LRRC43: variants seen among roughly 807,000 people sequenced by gnomAD.
LRRC43 encodes leucine-rich repeat-containing protein 43.
A neutral mutation model predicts 64.3 loss-of-function variants in LRRC43; 62 were observed. That is an observed-to-expected ratio of 0.96 (90% CI 0.79 to 1.19). The LOEUF (loss-of-function observed/expected upper bound fraction) is 1.19. Among genes scored for constraint, LRRC43 ranks in the 50% most tolerant of loss-of-function variants. The probability of loss-of-function intolerance (pLI) is 0.00; values close to 1 mark genes in which losing one functional copy is unlikely to be tolerated. For synonymous variants in LRRC43, 422 were observed against 382.3 expected, an observed-to-expected ratio of 1.10 and a Z score of -1.21; for missense variants, 868 against 845.0, an observed-to-expected ratio of 1.03 and a Z score of -0.34.
At chr12:122,192,413 G>A (rs1388055859) in intron 6 of LRRC43, among the ~76,000 whole-genome samples, 3 of 152,066 alleles carry the variant, frequency 2.0e-5, no homozygotes, top group South Asian at 2.1e-4. Flanking sequence ...TGGGATTACA[G>A]GCGTGAGCCA....
chr12:122,196,694 G>A (rs1397944318), intron 7 of LRRC43, among the ~76,000 whole-genome samples: 1 of 152,032 alleles, frequency 6.6e-6, no homozygotes, highest in South Asian at 2.1e-4. Flanking sequence ...ACTGGAACCC[G>A]GAAGGTGGAG....
chr12:122,173,973 G>A, intron 1 of LRRC43: 2 of 1,614,160 alleles, frequency 1.2e-6, no homozygotes, highest in Non-Finnish European at 1.7e-6. Flanking sequence ...AGAACAGAAA[G>A]AGCACAGACG....
intron 10 of LRRC43, 88 bp from the exon 11 acceptor site, chr12:122,201,208 C>G: frequency 7.5e-7 from 1 of 1,336,886 alleles, no homozygotes; most frequent in Non-Finnish European, 1.1e-6. Context: ...CCTGTCAGAG[C>G]CTTGGAGGAG....
intron 1 of LRRC43, chr12:122,172,628 C>T (rs1953496416): frequency 1.9e-6 from 3 of 1,614,142 alleles, no homozygotes; most frequent in African/African-American, 2.7e-5. Flanking sequence ...GTCTGATTGT[C>T]TTGAGATATG....
chr12:122,173,954 C>G, intron 1 of LRRC43: 1 of 1,614,084 alleles, frequency 6.2e-7, no homozygotes, highest in Admixed American at 1.7e-5. Context: ...AGCCAGCCTC[C>G]CAGGCAGCAG....
intron 6 of LRRC43, among the ~76,000 whole-genome samples, chr12:122,192,436 C>G (rs762970594): frequency 2.0e-5 from 3 of 152,028 alleles, no homozygotes; most frequent in African/African-American, 7.2e-5. Context: ...GCGCCTAGCC[C>G]CATTCTGCAA....
chr12:122,181,985 A>T (rs960290936), upstream of LRRC43, among the ~76,000 whole-genome samples: 1 of 152,108 alleles, frequency 6.6e-6, no homozygotes, highest in African/African-American at 2.4e-5. Context: ...TTCCTCCAAA[A>T]TTCATTTGTC....
In LRRC43 at chr12:122,191,749, G is replaced by A. The variant is rs150869829; in HGVS notation, c.1089+182G>A. ...AGCTCACTGTAACCTCTGCCTCCTGGGTTCAAGCAATTCTCCTGCCTCAGA... is the reference window on the plus strand; with the variant it reads ...AGCTCACTGTAACCTCTGCCTCCTGAGTTCAAGCAATTCTCCTGCCTCAGA... On this transcript the variant is annotated intron_variant, in intron 6 of 11. Transcript: ENST00000339777. Among the ~76,000 whole-genome samples the A allele has an allele frequency of 2.1e-4, 32 of 151,994 alleles. 1 individual carries two copies. Among genetic ancestry groups the A allele is most frequent in the Middle Eastern group, 6.8e-3 (2 of 294 alleles).
At chr12:122,188,864 C>T (rs1014145239) in intron 4 of LRRC43, among the ~76,000 whole-genome samples, 33 of 152,272 alleles carry the variant, frequency 2.2e-4, no homozygotes, top group South Asian at 4.1e-4. Context: ...GGCCTGCACC[C>T]GCAGATGCCA....
chr12:122,179,596 G>A (rs1396532375), upstream of LRRC43, among the ~76,000 whole-genome samples: 2 of 152,096 alleles, frequency 1.3e-5, no homozygotes, highest in South Asian at 2.1e-4. Flanking sequence ...TGTGGAAGTC[G>A]TGTGGAGCCC....
rs561311585 is a variant in LRRC43 at position 122,198,190 on chromosome 12, A to G, written c.1350-1999A>G. On this transcript the variant is annotated intron_variant, in intron 7 of 11. Transcript: ENST00000339777. The stretch of plus-strand genomic sequence containing the variant: ...GAGACAGGGTTTCACCGTGTTGGCC[A>G]GGAGAGTTCGAGACCAGAACTCCTG... Among the ~76,000 whole-genome samples the G allele has an allele frequency of 9.2e-5, 14 of 152,290 alleles. No homozygotes were observed. In the East Asian group the frequency reaches 2.7e-3, roughly 29 times the overall value.
upstream of LRRC43, chr12:122,183,059 T>C: frequency 6.8e-7 from 1 of 1,467,902 alleles, no homozygotes; most frequent in Non-Finnish European, 8.9e-7. Flanking sequence ...TGGGGGACTT[T>C]TCCCTCGGGG....
At chr12:122,199,156 C>A (rs1443959801) in intron 7 of LRRC43, among the ~76,000 whole-genome samples, 1 of 150,664 alleles carries the variant, frequency 6.6e-6, no homozygotes, top group Non-Finnish European at 1.5e-5. Context: ...ATTGGTAGAA[C>A]AATTTATGTT....
Position 122,200,222 on chromosome 12 carries a change from G to A in LRRC43, c.1383G>A (p.Trp461Ter), listed in dbSNP as rs1953819464. 1 of 1,613,912 alleles carries A rather than the reference G, an allele frequency of 6.2e-7. No homozygotes were observed. The highest frequency in any genetic ancestry group is 8.5e-7 in the Non-Finnish European group (1 of 1,180,012). The stretch of plus-strand genomic sequence containing the variant: ...TCTTCAGCACTGCCCACAAGCCCTG[G>A]GCTGAGGTCATCCCCTGCAGTTACG... ...TVLFSTAHKPWAEVIPCSYEM... is the reference protein window; with the variant it reads ...TVLFSTAHKP The change falls in exon 8 of 12, where the codon TGG (tryptophan) becomes TGA (stop). Residue 461 changes from tryptophan to a stop codon, truncating the protein, a stop_gained. Transcript: ENST00000339777. LOFTEE classifies it high-confidence loss of function. The surrounding 1 kb of genome is among the most constrained non-coding windows in gnomAD (Gnocchi z 4.6).
rs77196297 is a variant in LRRC43, at chr12:122,191,399, G to A, written c.921G>A (p.Ala307=). Reference sequence around the variant, plus strand: ...CTGCAGATCTCTTGGCACAGGAGGCGCAGTTTGTGGTGACCATCGGAAACA... The same window carrying A: ...CTGCAGATCTCTTGGCACAGGAGGCACAGTTTGTGGTGACCATCGGAAACA... ...SLNGDLLAQE[A]QFVVTIGNIR... is the part of the protein sequence containing the mutation. Residue 307 remains alanine, a synonymous_variant, in exon 6 of 12, where the codon GCG becomes GCA. Transcript: ENST00000339777. The A allele has an allele frequency of 3.8e-5, 61 of 1,611,612 alleles. No individual in the cohort carries two copies. The Middle Eastern group carries it at 5.0e-4, about 13-fold the overall frequency.
intron 1 of LRRC43, chr12:122,172,672 G>C: frequency 6.2e-7 from 1 of 1,614,120 alleles, no homozygotes; most frequent in South Asian, 1.1e-5. Context: ...TTGTTTGGCG[G>C]CTGGGCGTCA....
chr12:122,198,979 A>G (rs1593154524), intron 7 of LRRC43, among the ~76,000 whole-genome samples: 1 of 127,624 alleles, frequency 7.8e-6, no homozygotes. Context: ...ATGTACTTTC[A>G]CGATTTTTTT....
rs1288611912 is a variant in LRRC43 at position 122,184,649 on chromosome 12, C to A, written c.281C>A (p.Pro94His). Reference protein sequence around the residue: ...LLGLVRSRHSPWALLNNSNAE... With the variant: ...LLGLVRSRHSHWALLNNSNAE... ...GGCCTGGTCCGCAGCCGCCACTCCC[C>A]CTGGGCTCTGCTGAACAACTCGAAT... Residue 94 changes from proline (P) to histidine (H), a missense_variant, in exon 2 of 12, where the codon CCC becomes CAC. Physicochemically the swap from Pro to His is moderately conservative, Grantham distance 77. Transcript: ENST00000339777. This position sits in a 1 kb window ranked among gnomAD's most constrained non-coding sequence, Gnocchi z 4.0. The A allele has an allele frequency of 1.2e-6, 2 of 1,613,998 alleles. No individual in the cohort carries two copies. The highest frequency in any genetic ancestry group is 1.3e-5 in the African/African-American group (1 of 75,038).
At position 122,200,832 on chromosome 12, in the gene LRRC43, G is replaced by C; in HGVS notation, c.1707G>C (p.Leu569=). The change falls in exon 10 of 12, where the codon CTG becomes CTC. Residue 569 remains leucine (L), a synonymous_variant. Transcript: ENST00000339777. This position sits in a 1 kb window ranked among gnomAD's most constrained non-coding sequence, Gnocchi z 4.6. The part of the protein sequence containing the change: ...PPILQVLGRG[L]VILEPLLAGE... ...TCCTCCAGGTGCTGGGCCGGGGCCT[G>C]GTGATCCTGGAGCCCCTGCTCGCCG... The C allele has an allele frequency of 1.9e-6, 3 of 1,613,210 alleles. No homozygotes were observed. The highest frequency in any genetic ancestry group is 2.5e-6 in the Non-Finnish European group (3 of 1,180,002).
Sources: gnomAD v4.1 joint callset for allele counts (sites outside exome capture counted in the v4.1 genomes callset) on GRCh38, gnomAD v4.1.1 for gene constraint, Gnocchi (gnomAD v3.1) non-coding constraint, MANE v1.5 for transcripts, NCBI Gene and HGNC (gene_info 2026-07-23, HGNC 2026-07-21) for gene names.